Variants in FAM193A observed in about 807,000 individuals in gnomAD.
FAM193A encodes the protein family with sequence similarity 193 member A.
A neutral mutation model predicts 126.5 loss-of-function variants in FAM193A; 22 were observed. That is an observed-to-expected ratio of 0.17 (90% CI 0.12 to 0.25). FAM193A has a LOEUF of 0.25. Among genes scored for constraint, FAM193A ranks in the 10% least tolerant of loss-of-function variants. The pLI is 1.00. For missense variants in FAM193A, 1,675 were observed against 1,672.8 expected, an observed-to-expected ratio of 1.00 and a Z score of -0.02; for synonymous variants, 761 against 646.8, an observed-to-expected ratio of 1.18 and a Z score of -2.68.
intron 2 of FAM193A, chr4:2,608,023 C>T (rs895326070): frequency 8.1e-6 from 13 of 1,604,208 alleles, no homozygotes; most frequent in East Asian, 2.2e-5. Context: ...ATGTGCACCA[C>T]GCACTTCACG....
At chr4:2,643,105 T>G (rs961175492) in intron 6 of FAM193A, among the ~76,000 whole-genome samples, 7 of 152,064 alleles carry the variant, frequency 4.6e-5, no homozygotes, top group African/African-American at 1.7e-4. Flanking sequence ...GGGAGAAGGA[T>G]AAACACAGAC....
intron 20 of FAM193A, among the ~76,000 whole-genome samples, chr4:2,722,609 A>G (rs896475668): frequency 2.6e-5 from 4 of 152,190 alleles, no homozygotes; most frequent in East Asian, 3.8e-4. Context: ...AGCTAGGGAC[A>G]GGGAAAGAGA....
In FAM193A at chr4:2,571,181, T is replaced by C. The variant is rs942102062; in HGVS notation, c.256-24903T>C. ...ATTACTGGCAGTGTTGCTTTGTCTT[T>C]AGTTCACATTTCCCGTAAGTGGACC... is the stretch of plus-strand genomic sequence containing the variant. On this transcript the variant is annotated intron_variant, in intron 1 of 20. Transcript: ENST00000637812. Among the ~76,000 whole-genome samples the C allele has an allele frequency of 5.9e-5, 9 of 152,218 alleles. No homozygotes were observed. The South Asian group carries it at 8.3e-4, about 14-fold the overall frequency.
chr4:2,676,810 G>A lies in FAM193A; in HGVS notation c.2331+4438G>A, dbSNP rs112007805. Among the ~76,000 whole-genome samples the A allele has an allele frequency of 2.1e-4, 32 of 152,100 alleles. 3 individuals carry two copies. Among genetic ancestry groups the A allele is most frequent in the African/African-American group, 7.0e-4 (29 of 41,498 alleles). On this transcript the variant is annotated intron_variant, in intron 13 of 20. Coordinates refer to ENST00000637812, the MANE Select transcript of FAM193A (RefSeq NM_001366318.2). The stretch of plus-strand genomic sequence containing the variant: ...AAAAAAATTAGCCGGGTGTGGTGGC[G>A]GGCACCTGTAGTCTCAGCTACTCGG...
At position 2,699,975 on chromosome 4, in the gene FAM193A, A is replaced by C. The variant is rs762956571; in HGVS notation, c.3803A>C (p.Glu1268Ala). ...NIHNGSLEQT[E>A]EPETSSHSPS... ...CACAATGGCTCACTAGAGCAAACTGAAGAACCAGAAACCTCTTCTCACTCC... is the reference window on the plus strand; with the variant it reads ...CACAATGGCTCACTAGAGCAAACTGCAGAACCAGAAACCTCTTCTCACTCC... Residue 1268 changes from glutamate (E) to alanine (A), a missense_variant, in exon 19 of 21, where the codon GAA (glutamate) becomes GCA (alanine). Coordinates refer to ENST00000637812, the MANE Select transcript of FAM193A (RefSeq NM_001366318.2). 3 of 1,614,014 alleles carry C rather than the reference A, an allele frequency of 1.9e-6. No homozygotes were observed. In the South Asian group the frequency reaches 3.3e-5, roughly 18 times the overall value.
At chr4:2,667,979 C>T (rs1013306445) in intron 12 of FAM193A, among the ~76,000 whole-genome samples, 8 of 152,184 alleles carry the variant, frequency 5.3e-5, no homozygotes, top group Admixed American at 3.9e-4. Context: ...TCATGCCTCA[C>T]TGCAACCTCA....
At chr4:2,561,362 T>C (rs747066331) in intron 1 of FAM193A, among the ~76,000 whole-genome samples, 4 of 152,072 alleles carry the variant, frequency 2.6e-5, no homozygotes, top group Non-Finnish European at 5.9e-5. Context: ...TTATATTTTT[T>C]GGTAGAGACA....
At chr4:2,700,598 G>GTCA in intron 19 of FAM193A, 54 bp downstream of exon 19, 1 of 1,565,968 alleles carries the variant, frequency 6.4e-7, no homozygotes, top group Non-Finnish European at 8.6e-7. Flanking sequence ...TTTTCCATGT[G>GTCA]TGATGTGCTA....
intron 1 of FAM193A, among the ~76,000 whole-genome samples, chr4:2,553,811 TC>T (rs1231778885): frequency 1.3e-5 from 2 of 152,232 alleles, no homozygotes; most frequent in South Asian, 4.1e-4. Context: ...TGTAGGTCTT[TC>T]CCGTGCTGTT....
chr4:2,599,214 C>T (rs1741048355), intron 2 of FAM193A, among the ~76,000 whole-genome samples: 1 of 150,686 alleles, frequency 6.6e-6, no homozygotes. Context: ...TAAAGTTAAA[C>T]TGTTTTTTTT....
intron 1 of FAM193A, among the ~76,000 whole-genome samples, chr4:2,562,116 T>G (rs917521228): frequency 6.6e-6 from 1 of 152,074 alleles, no homozygotes; most frequent in African/African-American, 2.4e-5. Flanking sequence ...TTTTATAACT[T>G]TATGATAATT....
chr4:2,536,307 C>A (rs992129035), upstream of FAM193A, among the ~76,000 whole-genome samples: 4 of 151,562 alleles, frequency 2.6e-5, no homozygotes, highest in Non-Finnish European at 1.5e-5. Context: ...GAAGGCCGCG[C>A]GGCGCGGGCG....
intron 1 of FAM193A, among the ~76,000 whole-genome samples, chr4:2,576,325 C>G (rs1162221702): frequency 6.6e-6 from 1 of 152,050 alleles, no homozygotes; most frequent in Non-Finnish European, 1.5e-5. Flanking sequence ...GTCTTGAACT[C>G]CTGACCTCGT....
chr4:2,646,942 C>CT (rs1745208249), intron 7 of FAM193A, 110 bp downstream of exon 7: 1 of 1,239,964 alleles, frequency 8.1e-7, no homozygotes, highest in Non-Finnish European at 1.1e-6. Context: ...GAATTCCCGA[C>CT]TGAGGCCCAG....
At chr4:2,686,927 G>T (rs1027377438) in intron 13 of FAM193A, among the ~76,000 whole-genome samples, 6 of 152,184 alleles carry the variant, frequency 3.9e-5, no homozygotes, top group Non-Finnish European at 7.3e-5. Context: ...GTAGAAATGG[G>T]TATCTATTGA....
At chr4:2,709,665 C>T (rs188033545) in intron 19 of FAM193A, among the ~76,000 whole-genome samples, 2 of 151,944 alleles carry the variant, frequency 1.3e-5, no homozygotes, top group East Asian at 1.9e-4. Context: ...GCCGAGAACA[C>T]GCCACTGCAC....
intron 18 of FAM193A, among the ~76,000 whole-genome samples, chr4:2,698,660 A>G (rs1235253588): frequency 2.0e-5 from 3 of 152,214 alleles, no homozygotes; most frequent in East Asian, 3.8e-4. Context: ...AGAGTTTCTC[A>G]TAAGCCCCAG....
At chr4:2,728,541 G>T (rs931871350) in intron 20 of FAM193A, among the ~76,000 whole-genome samples, 1 of 151,990 alleles carries the variant, frequency 6.6e-6, no homozygotes, top group African/African-American at 2.4e-5. Context: ...CACCCTATTC[G>T]CAGCTAGCAA....
intron 12 of FAM193A, among the ~76,000 whole-genome samples, chr4:2,663,775 T>C (rs1463131776): frequency 6.6e-6 from 1 of 152,196 alleles, no homozygotes; most frequent in Admixed American, 6.5e-5. Context: ...AAGACCAGGC[T>C]GGCCAACATG....
Sources: gnomAD v4.1 joint callset for allele counts (sites outside exome capture counted in the v4.1 genomes callset) on GRCh38, gnomAD v4.1.1 for gene constraint, MANE v1.5 for transcripts, NCBI Gene and HGNC (gene_info 2026-07-23, HGNC 2026-07-21) for gene names.